EPS15: variants seen among roughly 807,000 people sequenced by gnomAD.
The protein encoded by EPS15 is epidermal growth factor receptor pathway substrate 15.
A neutral mutation model predicts 113.8 loss-of-function variants in EPS15; 72 were observed. The observed-to-expected ratio is 0.63, with a 90% CI of 0.52 to 0.77. EPS15 has a LOEUF of 0.77. Among genes scored for constraint, EPS15 ranks in the 30% least tolerant of loss-of-function variants. The pLI, the probability that EPS15 is intolerant of heterozygous loss-of-function variation, is 0.00. For synonymous variants in EPS15, 344 were observed against 363.4 expected (o/e 0.95, Z 0.61); for missense variants, 1,048 against 1,045.8 (o/e 1.00, Z -0.03).
chr1:51,513,386 T>C (rs890654368), intron 1 of EPS15, among the ~76,000 whole-genome samples: 9 of 152,208 alleles, frequency 5.9e-5, no homozygotes, highest in African/African-American at 1.9e-4. Flanking sequence ...TGTGATGTTA[T>C]AGAGCAATCT....
At chr1:51,402,399 TGGGTAAA>T (rs1570214246) in intron 18 of EPS15, 29 bp downstream of exon 18, 2 of 1,115,514 alleles carry the variant, frequency 1.8e-6, no homozygotes, top group Non-Finnish European at 1.3e-6. Context: ...GTCTTTTTTT[TGGGTAAA>T]TCTATAATAT....
At chr1:51,411,418 C>CA (rs1288654075) in intron 13 of EPS15, among the ~76,000 whole-genome samples, 1 of 152,032 alleles carries the variant, frequency 6.6e-6, no homozygotes, top group African/African-American at 2.4e-5. Context: ...AACTCTTGCA[C>CA]AAAGGACTGA....
At chr1:51,457,652 T>G (rs1422810400) in intron 8 of EPS15, 1 of 152,056 alleles carries the variant, frequency 6.6e-6, no homozygotes, top group African/African-American at 2.4e-5. Flanking sequence ...TACAATCTTT[T>G]TAATAATTTT....
intron 2 of EPS15, among the ~76,000 whole-genome samples, chr1:51,479,489 G>A (rs1179150418): frequency 6.6e-6 from 1 of 152,144 alleles, no homozygotes. Context: ...ATCCAGCTTT[G>A]TTCCATTGCT....
At chr1:51,430,396 C>G (rs1055471934) in intron 12 of EPS15, among the ~76,000 whole-genome samples, 4 of 151,554 alleles carry the variant, frequency 2.6e-5, no homozygotes, top group Admixed American at 6.6e-5. Context: ...CGCTGAAACC[C>G]CATCTCTACT....
chr1:51,504,748 T>A (rs1361767743), intron 1 of EPS15, among the ~76,000 whole-genome samples: 1 of 152,110 alleles, frequency 6.6e-6, no homozygotes, highest in Non-Finnish European at 1.5e-5. Context: ...AATCAGCTAA[T>A]AACAATTACT....
At chr1:51,426,837 C>CTCTCTCTCTCTCTATA (rs377211027) in intron 12 of EPS15, among the ~76,000 whole-genome samples, 15 of 143,566 alleles carry the variant, frequency 1.0e-4, no homozygotes, top group African/African-American at 4.0e-4. Flanking sequence ...CTCTCTCTCT[C>CTCTCTCTCTCTCTATA]TATATATATA....
intron 4 of EPS15, among the ~76,000 whole-genome samples, chr1:51,469,202 G>C (rs1453028802): frequency 1.3e-5 from 2 of 151,722 alleles, no homozygotes; most frequent in Non-Finnish European, 2.9e-5. Context: ...ATTTAAATGA[G>C]AAAAAAAGAA....
rs773248442 is a variant in EPS15 at position 51,394,401 on chromosome 1, A to G, written c.2099T>C (p.Val700Ala). ...TTTACCTGAATCGCTTGCTGCAACAACTGTTCCACCAGGAGCAAAAGGATC... is the reference window on the plus strand; with the variant it reads ...TTTACCTGAATCGCTTGCTGCAACAGCTGTTCCACCAGGAGCAAAAGGATC... ...HNDPFAPGGT[V>A]VAASDSATDP... Residue 700 changes from valine to alanine, a missense_variant, in exon 21 of 25, where the codon GTT becomes GCT. Physicochemically the swap from Val to Ala is moderately conservative, Grantham distance 64. Coordinates refer to ENST00000371733, the MANE Select transcript of EPS15 (RefSeq NM_001981.3). The G allele has an allele frequency of 6.2e-7, 1 of 1,600,542 alleles. No homozygotes were observed. The highest frequency in any genetic ancestry group is 8.5e-7 in the Non-Finnish European group (1 of 1,170,966).
intron 10 of EPS15, 51 bp from the exon 11 acceptor site, chr1:51,445,096 G>A (rs1404888415): frequency 2.0e-6 from 3 of 1,530,892 alleles, no homozygotes; most frequent in African/African-American, 1.4e-5. Context: ...ACTGCAAAAA[G>A]TCCAGAGAAA....
intron 24 of EPS15, among the ~76,000 whole-genome samples, chr1:51,357,659 GAA>G (rs35386243): frequency 1.6e-5 from 1 of 62,100 alleles, no homozygotes. Context: ...TAAGAAGCAA[GAA>G]AAAAAAAAAA....
chr1:51,365,801 G>A (rs1646495015), intron 22 of EPS15, 152 bp downstream of exon 22: 2 of 545,668 alleles, frequency 3.7e-6, no homozygotes, highest in South Asian at 5.6e-5. Flanking sequence ...TTAACTATAT[G>A]TTATCTTTCA....
intron 22 of EPS15, 28 bp from the exon 23 acceptor site, chr1:51,364,056 T>G (rs948744087): frequency 6.8e-5 from 106 of 1,557,834 alleles, no homozygotes; most frequent in Non-Finnish European, 8.7e-5. Flanking sequence ...TGGTTATACA[T>G]GGCTATACCA....
chr1:51,448,083 A>T lies in EPS15; in HGVS notation c.614T>A (p.Leu205Ter). Residue 205 changes from leucine (L) to a stop codon, truncating the protein, a stop_gained, in exon 9 of 25, where the codon TTG becomes TAG. Coordinates refer to ENST00000371733, the MANE Select transcript of EPS15 (RefSeq NM_001981.3). LOFTEE classifies it high-confidence loss of function. ...ALEKEPVPMS[L>*]PPALVPPSKR... ...AGATGGTGGCACCAAGGCTGGAGGC[A>T]AGGACATTGGCACAGGTTCTTTCTC... is the stretch of plus-strand genomic sequence containing the variant. 1 of 1,613,864 alleles carries T rather than the reference A, an allele frequency of 6.2e-7. No individual in the cohort carries two copies. The highest frequency in any genetic ancestry group is 8.5e-7 in the Non-Finnish European group (1 of 1,179,796).
chr1:51,433,794 A>ATG (rs1651927847), intron 12 of EPS15, among the ~76,000 whole-genome samples: 2 of 152,222 alleles, frequency 1.3e-5, no homozygotes, highest in Non-Finnish European at 2.9e-5. Context: ...GCCTGACAGG[A>ATG]TGTGGCTTTA....
rs917029520 is a variant in EPS15 at position 51,467,959 on chromosome 1, A to T, written c.309+514T>A. On this transcript the variant is annotated intron_variant, in intron 5 of 24. Transcript: ENST00000371733. ...AAGTAAAATAAGAAAATAAGTATTT[A>T]TATATATATATTTTTTTAAGACAGG... Among the ~76,000 whole-genome samples, 7 of 151,756 alleles carry T rather than the reference A, an allele frequency of 4.6e-5. No homozygotes were observed. In the East Asian group the frequency reaches 5.8e-4, roughly 13 times the overall value.
chr1:51,483,398 AGTGTGTGTGT>A (rs58892404), intron 1 of EPS15, among the ~76,000 whole-genome samples: 2,535 of 141,778 alleles, frequency 0.018, 53 homozygotes, highest in African/African-American at 0.046. Flanking sequence ...CAAGACTGCA[AGTGTGTGTGT>A]GTGTGTGTGT....
At chr1:51,415,790 C>CA (rs1650154145) in intron 13 of EPS15, among the ~76,000 whole-genome samples, 1 of 68,136 alleles carries the variant, frequency 1.5e-5, no homozygotes, top group Non-Finnish European at 2.5e-5. Context: ...GAGCAAAACT[C>CA]CGTCTCAAAA....
chr1:51,514,645 T>C (rs926571640), intron 1 of EPS15, among the ~76,000 whole-genome samples: 1 of 152,214 alleles, frequency 6.6e-6, no homozygotes, highest in Non-Finnish European at 1.5e-5. Flanking sequence ...AATCTTTTTC[T>C]ATTACACGTT....
Sources: gnomAD v4.1 joint callset for allele counts (sites outside exome capture counted in the v4.1 genomes callset) on GRCh38, gnomAD v4.1.1 for gene constraint, MANE v1.5 for transcripts, NCBI Gene and HGNC (gene_info 2026-07-23, HGNC 2026-07-21) for gene names.